The following PPP2R2A variants were observed in gnomAD, a reference collection of about 807,000 sequenced individuals.
PPP2R2A encodes the protein protein phosphatase 2 regulatory subunit Balpha.
In PPP2R2A, 9 loss-of-function variants were observed where a neutral mutation model predicts 53.2. That is an observed-to-expected ratio of 0.17 (90% confidence interval 0.10 to 0.30). PPP2R2A has a LOEUF of 0.30. Ranked by LOEUF, PPP2R2A falls within the 10% of genes least tolerant of loss-of-function variation. PPP2R2A has a pLI of 1.00. For missense variants in PPP2R2A, 235 were observed against 534.6 expected, an observed-to-expected ratio of 0.44 and a Z score of 5.53; for synonymous variants, 169 against 174.2, an observed-to-expected ratio of 0.97 and a Z score of 0.23.
rs962490690 is a variant in PPP2R2A at position 26,361,274 on chromosome 8, C to A, written c.637+123C>A. ...AGTCTGTGTACATATATGTATGGCA[C>A]CTTATTTTTTTCTTTGTAGATGAGT... On this transcript the variant is annotated intron_variant, in intron 6 of 9. Transcript: ENST00000380737. The A allele has an allele frequency of 9.1e-6, 8 of 880,002 alleles. No individual in the cohort carries two copies. The African/African-American group carries it at 1.1e-4, about 12-fold the overall frequency. 54.5% of individuals were successfully genotyped at this position (880,002 alleles called of 1,614,324 possible). A position where few individuals can be genotyped will look rare whatever the true frequency, so the allele number is the denominator to read the frequency against.
rs911646482 is a variant in PPP2R2A at position 26,362,671 on chromosome 8, A to C, written c.638-13A>C. On this transcript the variant is annotated splice_polypyrimidine_tract_variant and intron_variant, in intron 6 of 9. Transcript: ENST00000380737. This position sits in a 1 kb window ranked among gnomAD's most constrained non-coding sequence, Gnocchi z 4.4. ...TTTTCTAAGTGGAAATTCCTTAATA[A>C]AATGTTATCTAGACATTGTGGATAT... is the stretch of plus-strand genomic sequence containing the variant. The C allele has an allele frequency of 1.2e-6, 2 of 1,609,298 alleles. No individual in the cohort carries two copies. The highest frequency in any genetic ancestry group is 2.7e-5 in the African/African-American group (2 of 74,778).
chr8:26,349,969 AT>A (rs555373964), intron 3 of PPP2R2A, among the ~76,000 whole-genome samples: 3 of 152,206 alleles, frequency 2.0e-5, no homozygotes, highest in Non-Finnish European at 4.4e-5. Context: ...TATAAATTTT[AT>A]GGCTGTTCTA....
chr8:26,302,597 T>G (rs1259859398), intron 2 of PPP2R2A, among the ~76,000 whole-genome samples: 1 of 152,208 alleles, frequency 6.6e-6, no homozygotes, highest in Non-Finnish European at 1.5e-5. Context: ...TGGTGTAGTA[T>G]CAAAGGTATA....
intron 2 of PPP2R2A, among the ~76,000 whole-genome samples, chr8:26,302,078 G>A (rs1801814364): frequency 6.6e-6 from 1 of 152,234 alleles, no homozygotes; most frequent in African/African-American, 2.4e-5. Context: ...TAAAGTGGTT[G>A]TCTGGAGGAA....
rs1805058612 is a variant in PPP2R2A at position 26,361,086 on chromosome 8, CAT to C, written c.575_576del (p.Tyr192PhefsTer5). 1 of 1,602,168 alleles carries C rather than the reference CAT, an allele frequency of 6.2e-7. No individual in the cohort carries two copies. Among genetic ancestry groups the C allele is most frequent in the African/African-American group, 1.3e-5 (1 of 74,232 alleles). The stretch of plus-strand genomic sequence containing the variant: ...ATTTCTATTAATAGTGATTATGAAA[CAT>C]ATTTATCTGCAGATGATTTGCGGAT... On this transcript the variant is annotated frameshift_variant, in exon 6 of 10. Coordinates refer to ENST00000380737, the MANE Select transcript of PPP2R2A (RefSeq NM_002717.4). LOFTEE classifies it high-confidence loss of function.
rs1159186506 is a variant in PPP2R2A at position 26,368,782 on chromosome 8, G to A, written c.1065-1352G>A. Reference sequence around the variant, plus strand: ...TGATTGTGCCACCACATTTCAACCCGGGTGACAGAGTGAAACCCTGTCTTG... The same window carrying A: ...TGATTGTGCCACCACATTTCAACCCAGGTGACAGAGTGAAACCCTGTCTTG... On this transcript the variant is annotated intron_variant, in intron 9 of 9. Coordinates refer to ENST00000380737, the MANE Select transcript of PPP2R2A (RefSeq NM_002717.4). Among the ~76,000 whole-genome samples, 7 of 152,098 alleles carry A rather than the reference G, an allele frequency of 4.6e-5. 1 individual carries two copies. In the South Asian group the frequency reaches 8.3e-4, roughly 18 times the overall value.
intron 2 of PPP2R2A, among the ~76,000 whole-genome samples, chr8:26,327,226 G>A (rs1181274085): frequency 2.0e-5 from 3 of 152,212 alleles, no homozygotes; most frequent in Non-Finnish European, 4.4e-5. Flanking sequence ...GTGCCCTGAC[G>A]TAAGGAAAGT....
intron 3 of PPP2R2A, among the ~76,000 whole-genome samples, chr8:26,344,051 C>G (rs1227468688): frequency 1.3e-5 from 2 of 152,114 alleles, no homozygotes; most frequent in African/African-American, 4.8e-5. Context: ...GATTACCCAT[C>G]CAAAGTCATA....
At chr8:26,314,278 C>A (rs1802433231) in intron 2 of PPP2R2A, among the ~76,000 whole-genome samples, 1 of 152,188 alleles carries the variant, frequency 6.6e-6, no homozygotes, top group Non-Finnish European at 1.5e-5. Flanking sequence ...GATGTTGTAT[C>A]AGTTTTACTT....
intron 1 of PPP2R2A, among the ~76,000 whole-genome samples, chr8:26,292,818 C>A (rs1043051351): frequency 9.2e-5 from 14 of 152,144 alleles, no homozygotes; most frequent in African/African-American, 3.4e-4. Context: ...TCAATCATTT[C>A]GACCTCAGTA....
intron 3 of PPP2R2A, among the ~76,000 whole-genome samples, chr8:26,353,171 C>CTA (rs1346163615): frequency 9.9e-5 from 15 of 152,114 alleles, no homozygotes; most frequent in African/African-American, 3.4e-4. Context: ...AATAGGCTGT[C>CTA]TAATTTTGTG....
chr8:26,300,722 T>C (rs56383200), intron 2 of PPP2R2A, among the ~76,000 whole-genome samples: 89,340 of 151,898 alleles, frequency 0.59, 26,553 homozygotes, highest in South Asian at 0.63. Context: ...GGTGTGGTGG[T>C]GCGCGCCTGT....
chr8:26,347,524 T>A (rs191900165), intron 3 of PPP2R2A, among the ~76,000 whole-genome samples: 1 of 152,272 alleles, frequency 6.6e-6, no homozygotes, highest in Admixed American at 6.5e-5. Context: ...TTAGAACAGA[T>A]ATTCTAGCTA....
intron 2 of PPP2R2A, among the ~76,000 whole-genome samples, chr8:26,328,766 G>T (rs1803220443): frequency 6.6e-6 from 1 of 152,104 alleles, no homozygotes; most frequent in Non-Finnish European, 1.5e-5. Context: ...AAATAATAGT[G>T]GTTTCCTCAG....
At chr8:26,311,996 A>G (rs925221786) in intron 2 of PPP2R2A, among the ~76,000 whole-genome samples, 1 of 151,878 alleles carries the variant, frequency 6.6e-6, no homozygotes, top group African/African-American at 2.4e-5. Flanking sequence ...CTTGCTACCT[A>G]GGGCAACGTT....
At chr8:26,320,126 G>C (rs1563295004) in intron 2 of PPP2R2A, among the ~76,000 whole-genome samples, 1 of 152,188 alleles carries the variant, frequency 6.6e-6, no homozygotes, top group African/African-American at 2.4e-5. Flanking sequence ...TTGACCCTTA[G>C]GCACTGTGCC....
At chr8:26,342,184 C>A (rs909330958) in intron 3 of PPP2R2A, among the ~76,000 whole-genome samples, 9 of 152,146 alleles carry the variant, frequency 5.9e-5, no homozygotes, top group Non-Finnish European at 8.8e-5. Flanking sequence ...TTGAGGCACA[C>A]AAGTAAAGTG....
intron 2 of PPP2R2A, among the ~76,000 whole-genome samples, chr8:26,306,374 G>T (rs970552759): frequency 1.3e-5 from 2 of 151,536 alleles, no homozygotes; most frequent in Non-Finnish European, 1.5e-5. Context: ...TGCTCAGAAG[G>T]CTGAGGCACG....
In PPP2R2A at chr8:26,354,714, T is replaced by C; in HGVS notation, c.346+81T>C. On this transcript the variant is annotated intron_variant, in intron 4 of 9. Coordinates refer to ENST00000380737, the MANE Select transcript of PPP2R2A (RefSeq NM_002717.4). This position sits in a 1 kb window ranked among gnomAD's most constrained non-coding sequence, Gnocchi z 4.6. ...CCTGTAGCCTAGGAGAGGAATCATT[T>C]AACAGAGATACTTGTAAAAAGGACT... 2 of 1,228,804 alleles carry C rather than the reference T, an allele frequency of 1.6e-6. No homozygotes were observed. The highest frequency in any genetic ancestry group is 2.7e-5 in the East Asian group (1 of 36,798). 76.1% of individuals were successfully genotyped at this position (1,228,804 alleles called of 1,614,324 possible). A position where few individuals can be genotyped will look rare whatever the true frequency, so the allele number is the denominator to read the frequency against.
Sources: gnomAD v4.1 joint callset for allele counts (sites outside exome capture counted in the v4.1 genomes callset) on GRCh38, gnomAD v4.1.1 for gene constraint, Gnocchi (gnomAD v3.1) non-coding constraint, MANE v1.5 for transcripts, NCBI Gene and HGNC (gene_info 2026-07-23, HGNC 2026-07-21) for gene names.